Variants in SPAG16 observed in about 807,000 individuals in gnomAD.
The protein encoded by SPAG16 is sperm associated antigen 16.
A neutral mutation model predicts 80.4 loss-of-function variants in SPAG16; 86 were observed. The observed-to-expected ratio is 1.07, with a 90% CI of 0.90 to 1.28. The LOEUF (loss-of-function observed/expected upper bound fraction) is 1.28, where lower values mean the gene tolerates loss of function less well. SPAG16 is among the 50% of genes most tolerant of loss of function. SPAG16 has a pLI of 0.00. For synonymous variants in SPAG16, 294 were observed against 265.9 expected (o/e 1.11, Z -1.03); for missense variants, 870 against 765.3 (o/e 1.14, Z -1.61).
intron 14 of SPAG16, 106 bp downstream of exon 14, chr2:214,108,367 G>A: frequency 1.2e-6 from 1 of 805,482 alleles, no homozygotes; most frequent in Non-Finnish European, 1.9e-6. Context: ...GAGGTGAGAA[G>A]AACAACTTTA....
chr2:213,752,520 A>T (rs1377141267), intron 10 of SPAG16, among the ~76,000 whole-genome samples: 1 of 152,220 alleles, frequency 6.6e-6, no homozygotes, highest in Non-Finnish European at 1.5e-5. Flanking sequence ...TTCTTTAAAC[A>T]TAGTGAGATC....
chr2:213,776,928 A>G (rs2069626211), intron 10 of SPAG16, among the ~76,000 whole-genome samples: 1 of 150,904 alleles, frequency 6.6e-6, no homozygotes, highest in South Asian at 2.1e-4. Context: ...TAAGAAGGAA[A>G]TGTTGATGGG....
intron 5 of SPAG16, among the ~76,000 whole-genome samples, chr2:213,320,630 A>G (rs924391485): frequency 6.6e-6 from 1 of 151,810 alleles, no homozygotes; most frequent in Non-Finnish European, 1.5e-5. Flanking sequence ...GAGATCAACT[A>G]TTTTAGCTTC....
intron 12 of SPAG16, among the ~76,000 whole-genome samples, chr2:213,954,227 C>T (rs946336484): frequency 6.6e-6 from 1 of 151,304 alleles, no homozygotes; most frequent in Non-Finnish European, 1.5e-5. Flanking sequence ...CACTAATCTA[C>T]TTTCCATTTT....
At chr2:213,647,773 C>T (rs1179181575) in intron 10 of SPAG16, among the ~76,000 whole-genome samples, 2 of 152,112 alleles carry the variant, frequency 1.3e-5, no homozygotes, top group Admixed American at 1.3e-4. Flanking sequence ...AACCATGGAC[C>T]CTATATCACC....
chr2:214,260,483 A>C (rs371744660), intron 15 of SPAG16, among the ~76,000 whole-genome samples: 1 of 152,156 alleles, frequency 6.6e-6, no homozygotes, highest in Non-Finnish European at 1.5e-5. Flanking sequence ...TAGATGCCAA[A>C]CATTAGAGAA....
At chr2:214,130,644 A>G (rs939219268) in intron 14 of SPAG16, among the ~76,000 whole-genome samples, 9 of 152,204 alleles carry the variant, frequency 5.9e-5, no homozygotes, top group Non-Finnish European at 1.3e-4. Context: ...GTATGTTACT[A>G]TGTAAATATA....
intron 15 of SPAG16, among the ~76,000 whole-genome samples, chr2:214,363,448 T>A (rs1189549795): frequency 6.6e-6 from 1 of 152,052 alleles, no homozygotes; most frequent in Non-Finnish European, 1.5e-5. Context: ...ATTTCCATAC[T>A]TTTAAATATT....
intron 9 of SPAG16, among the ~76,000 whole-genome samples, chr2:213,461,228 T>C (rs1418467054): frequency 6.6e-6 from 1 of 152,210 alleles, no homozygotes; most frequent in East Asian, 1.9e-4. Flanking sequence ...CTGTAATAAA[T>C]GCAGTTCTAC....
chr2:214,228,309 G>T lies in SPAG16; in HGVS notation c.1720+79043G>T, dbSNP rs551526404. Among the ~76,000 whole-genome samples the T allele has an allele frequency of 2.6e-5, 4 of 151,902 alleles. No individual in the cohort carries two copies. In the South Asian group the frequency reaches 8.3e-4, roughly 31 times the overall value. ...TATAATTGAAAAAGTTTTCTCAAAA[G>T]CTTGTTTTCATTTATTTTCATTTTG... is the stretch of plus-strand genomic sequence containing the variant. On this transcript the variant is annotated intron_variant, in intron 15 of 15. Transcript: ENST00000331683.
chr2:214,041,452 C>CTTTT (rs35019214), intron 13 of SPAG16, among the ~76,000 whole-genome samples: 6 of 143,254 alleles, frequency 4.2e-5, no homozygotes, highest in African/African-American at 1.3e-4. Context: ...GTAGTAGTTT[C>CTTTT]TTTTTTTTTT....
At chr2:213,993,427 C>T (rs528489795) in intron 12 of SPAG16, among the ~76,000 whole-genome samples, 1 of 152,248 alleles carries the variant, frequency 6.6e-6, no homozygotes, top group East Asian at 1.9e-4. Flanking sequence ...AATTTGTTAA[C>T]TATGGTTGTT....
chr2:213,350,856 G>A (rs1470554157), intron 7 of SPAG16, among the ~76,000 whole-genome samples: 2 of 152,118 alleles, frequency 1.3e-5, no homozygotes, highest in African/African-American at 4.8e-5. Flanking sequence ...AGGGGCAGTG[G>A]CTCATGCCTG....
At chr2:214,284,845 G>C (rs1034681419) in intron 15 of SPAG16, among the ~76,000 whole-genome samples, 1 of 151,068 alleles carries the variant, frequency 6.6e-6, no homozygotes, top group Non-Finnish European at 1.5e-5. Flanking sequence ...ATATGTATTT[G>C]TGTGTAACCA....
At chr2:213,602,461 G>A (rs147397726) in intron 10 of SPAG16, among the ~76,000 whole-genome samples, 44 of 151,858 alleles carry the variant, frequency 2.9e-4, no homozygotes, top group African/African-American at 8.0e-4. Context: ...GTGGAACCCC[G>A]TCTCTACAAA....
chr2:214,218,167 AC>A lies in SPAG16; in HGVS notation c.1720+68902del, dbSNP rs149421824. ...TGTCGCATGAAAGACTTCGATTCTT[AC>A]ATCAGCTTCTGTTGTCAGTCTTTTA... On this transcript the variant is annotated intron_variant, in intron 15 of 15. Coordinates refer to ENST00000331683, the MANE Select transcript of SPAG16 (RefSeq NM_024532.5). Among the ~76,000 whole-genome samples, 753 of 152,320 alleles carry A rather than the reference AC, an allele frequency of 4.9e-3. 5 individuals carry two copies. Among genetic ancestry groups the A allele is most frequent in the African/African-American group, 0.017 (712 of 41,576 alleles).
intron 15 of SPAG16, among the ~76,000 whole-genome samples, chr2:214,375,780 T>C (rs1206426150): frequency 6.6e-6 from 1 of 152,040 alleles, no homozygotes; most frequent in Non-Finnish European, 1.5e-5. Context: ...TTTGTGTTTG[T>C]TTTTTTCTTT....
chr2:213,508,769 G>A (rs2075087951), intron 10 of SPAG16, among the ~76,000 whole-genome samples: 1 of 152,070 alleles, frequency 6.6e-6, no homozygotes, highest in South Asian at 2.1e-4. Flanking sequence ...GCCTGTTGTG[G>A]GGTTGGGGGA....
At chr2:213,964,731 T>C (rs1877051) in intron 12 of SPAG16, among the ~76,000 whole-genome samples, 110,900 of 151,994 alleles carry the variant, frequency 0.73, 40,679 homozygotes, top group South Asian at 0.86. Context: ...CACACCTAGA[T>C]CAATCAGAGT....
Sources: gnomAD v4.1 joint callset for allele counts (sites outside exome capture counted in the v4.1 genomes callset) on GRCh38, gnomAD v4.1.1 for gene constraint, MANE v1.5 for transcripts, NCBI Gene and HGNC (gene_info 2026-07-23, HGNC 2026-07-21) for gene names.